AMY2B: variants seen among roughly 807,000 people sequenced by gnomAD.
The protein encoded by AMY2B is amylase alpha 2B, also known as alpha-amylase 2B.
In AMY2B, 63 loss-of-function variants were observed where a neutral mutation model predicts 59.3. The observed-to-expected ratio is 1.06, with a 90% confidence interval of 0.87 to 1.31. The LOEUF is 1.31. AMY2B is among the 50% of genes most tolerant of loss of function. The pLI is 0.00. For synonymous variants in AMY2B, 180 were observed against 198.1 expected, an observed-to-expected ratio of 0.91 and a Z score of 0.77; for missense variants, 635 against 626.7, an observed-to-expected ratio of 1.01 and a Z score of -0.14.
intron 2 of AMY2B, among the ~76,000 whole-genome samples, chr1:103,566,296 G>A (rs887032877): frequency 6.6e-6 from 1 of 151,990 alleles, no homozygotes; most frequent in Non-Finnish European, 1.5e-5. Flanking sequence ...GTTTGTTTTT[G>A]TGTATGGACA....
At chr1:103,566,646 A>G (rs1651920876), upstream of AMY2B, among the ~76,000 whole-genome samples, 1 of 152,178 alleles carries the variant, frequency 6.6e-6, no homozygotes, top group African/African-American at 2.4e-5. Context: ...TCACAACTCT[A>G]GAATTCTAGG....
chr1:103,564,605 A>C (rs1651848378), intron 1 of AMY2B, among the ~76,000 whole-genome samples: 1 of 152,094 alleles, frequency 6.6e-6, no homozygotes, highest in Non-Finnish European at 1.5e-5. Context: ...GTATTTTGTC[A>C]GCCCTCAAGG....
At chr1:103,561,884 CT>C (rs1651745577) in intron 1 of AMY2B, 1 of 151,990 alleles carries the variant, frequency 6.6e-6, no homozygotes, top group Non-Finnish European at 1.5e-5. Context: ...GAGAAGATTC[CT>C]TGTACAAATC....
Position 103,574,392 on chromosome 1 carries a change from A to T in AMY2B, c.877A>T (p.Lys293Ter). The T allele has an allele frequency of 6.2e-7, 1 of 1,611,366 alleles. No individual in the cohort carries two copies. The highest frequency in any genetic ancestry group is 2.2e-5 in the East Asian group (1 of 44,864). ...GAATGGAGAGAAGATGTCTTACCTA[A>T]AGTAAATAAATACAACTTTTCCCCT... is the stretch of plus-strand genomic sequence containing the variant. ...KWNGEKMSYL[K>*]NWGEGWGFMP... Residue 293 changes from lysine (K) to a stop codon, truncating the protein, a stop_gained and splice_region_variant, in exon 5 of 10, where the codon AAG (lysine) becomes TAG (stop). Coordinates refer to ENST00000684275, the MANE Select transcript of AMY2B (RefSeq NM_001387437.1). LOFTEE classifies it high-confidence loss of function.
At position 103,574,413 on chromosome 1, in the gene AMY2B, C is replaced by T. The variant is rs1418212038; in HGVS notation, c.878+20C>T. On this transcript the variant is annotated intron_variant, in intron 5 of 9. Coordinates refer to ENST00000684275, the MANE Select transcript of AMY2B (RefSeq NM_001387437.1). ...CCTAAAGTAAATAAATACAACTTTT[C>T]CCCTGAAGTATTTCATAGATTTATT... The T allele has an allele frequency of 1.9e-6, 3 of 1,610,244 alleles. No individual in the cohort carries two copies. The highest frequency in any genetic ancestry group is 1.7e-5 in the Admixed American group (1 of 59,962).
At chr1:103,564,048 A>T (rs1471931226) in intron 1 of AMY2B, among the ~76,000 whole-genome samples, 5 of 152,140 alleles carry the variant, frequency 3.3e-5, no homozygotes, top group Non-Finnish European at 5.9e-5. Context: ...AGGATTTTTA[A>T]TAGGACCAGG....
In AMY2B at chr1:103,577,580, G is replaced by C. The variant is rs773467680; in HGVS notation, c.1192G>C (p.Val398Leu). The C allele has an allele frequency of 1.2e-6, 2 of 1,611,944 alleles. No individual in the cohort carries two copies. The highest frequency in any genetic ancestry group is 2.2e-5 in the South Asian group (2 of 90,988). The change falls in exon 8 of 10, where the codon GTC becomes CTC. Residue 398 changes from valine to leucine, a missense_variant. Coordinates refer to ENST00000684275, the MANE Select transcript of AMY2B (RefSeq NM_001387437.1). ...AGACACTACTTGTGGCAATGACTGGGTCTGTGAACATCGATGGCGCCAAAT... is the reference window on the plus strand; with the variant it reads ...AGACACTACTTGTGGCAATGACTGGCTCTGTGAACATCGATGGCGCCAAAT... The part of the protein sequence containing the change: ...NPDTTCGNDW[V>L]CEHRWRQIRN...
rs1182139742 is a variant in AMY2B at position 103,577,492 on chromosome 1, T to C, written c.1104T>C (p.Asp368=). The change falls in exon 8 of 10, where the codon GAT becomes GAC. Residue 368 remains aspartate, a splice_region_variant and synonymous_variant. Transcript: ENST00000684275. ...TGGCTTTTCACCCCCTAATTAAGGATGTTAATGATTGGGTTGGGCCACCAA... is the reference window on the plus strand; with the variant it reads ...TGGCTTTTCACCCCCTAATTAAGGACGTTAATGATTGGGTTGGGCCACCAA... ...RWPRQFQNGN[D]VNDWVGPPNN... 6 of 1,611,882 alleles carry C rather than the reference T, an allele frequency of 3.7e-6. No individual in the cohort carries two copies. Among genetic ancestry groups the C allele is most frequent in the Non-Finnish European group, 5.1e-6 (6 of 1,179,774 alleles).
chr1:103,578,061 C>T (rs1483485254), intron 9 of AMY2B, among the ~76,000 whole-genome samples: 1 of 152,158 alleles, frequency 6.6e-6, no homozygotes, highest in Non-Finnish European at 1.5e-5. Flanking sequence ...AAGCAGAGTC[C>T]TTTCTGTGCA....
upstream of AMY2B, among the ~76,000 whole-genome samples, chr1:103,566,805 TAG>T (rs556760118): frequency 1.3e-5 from 2 of 152,196 alleles, no homozygotes; most frequent in Non-Finnish European, 2.9e-5. Context: ...TTGCTAGGAT[TAG>T]AGTCAAGTTT....
chr1:103,569,878 C>G, upstream of AMY2B: 1 of 460,898 alleles, frequency 2.2e-6, no homozygotes, highest in South Asian at 1.8e-5. Flanking sequence ...CCGAGGACCC[C>G]CTGAACCTCA....
chr1:103,562,672 C>CTTTTTTTTTTTTTTTTTTTTT, intron 1 of AMY2B, among the ~76,000 whole-genome samples: 1 of 112,088 alleles, frequency 8.9e-6, no homozygotes, highest in Non-Finnish European at 1.9e-5. Context: ...GATAACTTGT[C>CTTTTTTTTTTTTTTTTTTTTT]TTTTTTTTTT....
At chr1:103,565,712 T>C (rs1005464542) in intron 2 of AMY2B, 3 of 152,160 alleles carry the variant, frequency 2.0e-5, no homozygotes, top group African/African-American at 4.8e-5. Context: ...ATAAAACAAA[T>C]ATCAAGCTAA....
chr1:103,569,880 T>C (rs959578252), upstream of AMY2B: 2 of 462,290 alleles, frequency 4.3e-6, no homozygotes, highest in Non-Finnish European at 8.6e-6. Flanking sequence ...GAGGACCCCC[T>C]GAACCTCAAG....
At chr1:103,554,973 T>C (rs542617914) in exon 1 of AMY2B, 2 of 152,294 alleles carry the variant, frequency 1.3e-5, no homozygotes, top group Admixed American at 6.5e-5. Context: ...CTCTTAGTTA[T>C]TTTTAAACTA....
In AMY2B at chr1:103,573,166, A is replaced by G; in HGVS notation, c.419A>G (p.Asp140Gly). Residue 140 changes from aspartate (D) to glycine (G), a missense_variant, in exon 3 of 10, where the codon GAC becomes GGC. Physicochemically the swap from Asp to Gly is moderately conservative, Grantham distance 94. Coordinates refer to ENST00000684275, the MANE Select transcript of AMY2B (RefSeq NM_001387437.1). Reference protein sequence around the residue: ...CGSYFNPGSRDFPAVPYSGWD... With the variant: ...CGSYFNPGSRGFPAVPYSGWD... ...AGTTACTTCAACCCTGGAAGTAGGG[A>G]CTTTCCAGCAGTCCCATATTCTGGA... 2 of 1,613,768 alleles carry G rather than the reference A, an allele frequency of 1.2e-6. No homozygotes were observed. The highest frequency in any genetic ancestry group is 1.7e-6 in the Non-Finnish European group (2 of 1,179,728).
At chr1:103,575,396 A>G (rs1652312512) in intron 6 of AMY2B, 45 bp from the exon 7 acceptor site, 1 of 1,612,974 alleles carries the variant, frequency 6.2e-7, no homozygotes, top group East Asian at 2.2e-5. Flanking sequence ...AATGATGGTA[A>G]TGATATTCTG....
At chr1:103,569,549 C>T (rs925283808), upstream of AMY2B, 4 of 327,806 alleles carry the variant, frequency 1.2e-5, no homozygotes, top group South Asian at 8.0e-5. Context: ...CTCCACCAGT[C>T]GCAATGGAAG....
intron 1 of AMY2B, among the ~76,000 whole-genome samples, chr1:103,558,466 G>A (rs1651627485): frequency 6.6e-6 from 1 of 152,060 alleles, no homozygotes; most frequent in South Asian, 2.1e-4. Flanking sequence ...TATTAACAGT[G>A]AAAGAGACTA....
Sources: gnomAD v4.1 joint callset for allele counts (sites outside exome capture counted in the v4.1 genomes callset) on GRCh38, gnomAD v4.1.1 for gene constraint, MANE v1.5 for transcripts, NCBI Gene and HGNC (gene_info 2026-07-23, HGNC 2026-07-21) for gene names.